The following BRD1 variants were observed in gnomAD, a reference collection of about 807,000 sequenced individuals.
BRD1 encodes the protein bromodomain-containing protein 1.
In BRD1, 24 loss-of-function variants were observed where a neutral mutation model predicts 107.7. The ratio of observed to expected loss-of-function variants is 0.22; its 90% CI spans 0.16 to 0.31. BRD1 has a LOEUF of 0.31. Among genes scored for constraint, BRD1 ranks in the 10% least tolerant of loss-of-function variants. The pLI, the probability that BRD1 is intolerant of heterozygous loss-of-function variation, is 1.00. For synonymous variants in BRD1, 744 were observed against 686.1 expected (o/e 1.08, Z -1.32); for missense variants, 1,279 against 1,638.6 (o/e 0.78, Z 3.79).
chr22:49,825,755 G>A (rs917216789), intron 1 of BRD1: 2 of 152,220 alleles, frequency 1.3e-5, no homozygotes, highest in Non-Finnish European at 2.9e-5. Flanking sequence ...CTGAGAAAAA[G>A]CCCTCAGGGA....
intron 6 of BRD1, among the ~76,000 whole-genome samples, chr22:49,794,870 C>T (rs1317653288): frequency 6.6e-6 from 1 of 152,148 alleles, no homozygotes; most frequent in Non-Finnish European, 1.5e-5. Flanking sequence ...CTACAAAGTC[C>T]CTAGAAACTT....
chr22:49,781,467 A>G (rs936747933), intron 8 of BRD1, among the ~76,000 whole-genome samples: 2 of 152,224 alleles, frequency 1.3e-5, no homozygotes, highest in African/African-American at 2.4e-5. Context: ...TCAGGCTCCC[A>G]GCCCCCAACC....
chr22:49,778,145 G>T (rs551753134), intron 8 of BRD1, among the ~76,000 whole-genome samples: 75 of 152,344 alleles, frequency 4.9e-4, no homozygotes, highest in Admixed American at 2.4e-3. Context: ...TGCCATGGGG[G>T]CAGATGTGCA....
intron 2 of BRD1, among the ~76,000 whole-genome samples, chr22:49,808,537 T>C (rs1472191045): frequency 6.6e-6 from 1 of 152,040 alleles, no homozygotes; most frequent in Non-Finnish European, 1.5e-5. Flanking sequence ...AATGGGGAGT[T>C]CCTGTTTAAC....
In BRD1 at chr22:49,773,564, CCCAAG is replaced by C. The variant is rs879828327; in HGVS notation, c.*664_*668del. The C allele has an allele frequency of 5.9e-5, 9 of 152,606 alleles. No individual in the cohort carries two copies. The highest frequency in any genetic ancestry group is 3.3e-4 in the Admixed American group (5 of 15,278). 9.5% of individuals were successfully genotyped at this position (152,606 alleles called of 1,614,324 possible). On this transcript the variant is annotated 3_prime_UTR_variant, in exon 13 of 13. Transcript: ENST00000404760. Reference sequence around the variant, plus strand: ...TTTATACAATGCAATGCATTCTGCTCCCAAGCCAAGTTGAATTTTTATGTGCCTGT... The same window carrying C: ...TTTATACAATGCAATGCATTCTGCTCCCAAGTTGAATTTTTATGTGCCTGT...
At chr22:49,797,767 C>T (rs778465573) in intron 6 of BRD1, 38 bp downstream of exon 6, 30 of 1,540,050 alleles carry the variant, frequency 1.9e-5, no homozygotes, top group Admixed American at 3.8e-5. Flanking sequence ...CTAGAAAGAG[C>T]GTCTTCCACC....
In BRD1 at chr22:49,824,755, G is replaced by T; in HGVS notation, c.-14-424C>A. 1 of 1,034,022 alleles carries T rather than the reference G, an allele frequency of 9.7e-7. No homozygotes were observed. The allele number at this position is 1,034,022 out of a possible 1,614,324, so 64.1% of individuals were successfully genotyped here. A position where few individuals can be genotyped will look rare whatever the true frequency, so the allele number is the denominator to read the frequency against. ...GGGCTGGACCCCACCAGGCACAGAG[G>T]CTATGCCCACCAGACAGGCATGCTC... On this transcript the variant is annotated intron_variant, in intron 1 of 12. Transcript: ENST00000404760. The surrounding 1 kb of genome is among the most constrained non-coding windows in gnomAD (Gnocchi z 5.9).
chr22:49,793,890 G>C, intron 7 of BRD1, 144 bp downstream of exon 7: 1 of 1,136,200 alleles, frequency 8.8e-7, no homozygotes, highest in Non-Finnish European at 1.2e-6. Context: ...AGTGTTCCGG[G>C]ATTTGTGAAT....
chr22:49,801,946 A>C (rs1466228149), intron 3 of BRD1, among the ~76,000 whole-genome samples: 1 of 152,222 alleles, frequency 6.6e-6, no homozygotes, highest in Non-Finnish European at 1.5e-5. Context: ...TTATGAGAGT[A>C]GAAATGATGA....
chr22:49,798,837 C>T (rs1341488058), intron 4 of BRD1, 151 bp from the exon 5 acceptor site: 4 of 1,433,750 alleles, frequency 2.8e-6, no homozygotes, highest in Non-Finnish European at 3.7e-6. Flanking sequence ...CTCTGCAACC[C>T]ATGGCAGCCA....
intron 7 of BRD1, among the ~76,000 whole-genome samples, 153 bp from the exon 8 acceptor site, chr22:49,788,040 G>C (rs2059363373): frequency 6.6e-6 from 1 of 152,246 alleles, no homozygotes; most frequent in African/African-American, 2.4e-5. Context: ...TGGGCCCCGT[G>C]GGCTCGGGCC....
Position 49,777,659 on chromosome 22 carries a change from G to T in BRD1, c.2993+19C>A. The T allele has an allele frequency of 6.3e-7, 1 of 1,598,336 alleles. No individual in the cohort carries two copies. The highest frequency in any genetic ancestry group is 2.2e-5 in the East Asian group (1 of 44,458). ...TGCTGGGAGCTGCGTGGTGGGAAGC[G>T]CAGGGCCGCGGTGCCCACCTCGAGT... On this transcript the variant is annotated intron_variant, in intron 9 of 12. Coordinates refer to ENST00000404760, the MANE Select transcript of BRD1 (RefSeq NM_001304808.3).
At position 49,774,091 on chromosome 22, in the gene BRD1, G is replaced by T. The variant is rs888815172; in HGVS notation, c.*142C>A. On this transcript the variant is annotated 3_prime_UTR_variant, in exon 13 of 13. Transcript: ENST00000404760. ...ACGGAGATGGGTTCCTAGAAAACTTGGAAATAAAACCTCCCCCCTCCCCGG... is the reference window on the plus strand; with the variant it reads ...ACGGAGATGGGTTCCTAGAAAACTTTGAAATAAAACCTCCCCCCTCCCCGG... The T allele has an allele frequency of 8.3e-7, 1 of 1,207,424 alleles. No individual in the cohort carries two copies. The highest frequency in any genetic ancestry group is 1.1e-6 in the Non-Finnish European group (1 of 890,936). 74.8% of individuals were successfully genotyped at this position (1,207,424 alleles called of 1,614,324 possible).
At position 49,803,633 on chromosome 22, in the gene BRD1, C is replaced by A. The variant is rs917138458; in HGVS notation, c.1524+571G>T. ...CAAAATGTAAGAGTTTGGGTTTGTTCTTTTAAAAAGGAAAAGTCCTGCTCC... is the reference window on the plus strand; with the variant it reads ...CAAAATGTAAGAGTTTGGGTTTGTTATTTTAAAAAGGAAAAGTCCTGCTCC... On this transcript the variant is annotated intron_variant, in intron 3 of 12. Transcript: ENST00000404760. This position sits in a 1 kb window ranked among gnomAD's most constrained non-coding sequence, Gnocchi z 4.4. Among the ~76,000 whole-genome samples, 3 of 152,170 alleles carry A rather than the reference C, an allele frequency of 2.0e-5. No individual in the cohort carries two copies. The highest frequency in any genetic ancestry group is 4.4e-5 in the Non-Finnish European group (3 of 68,030).
intron 6 of BRD1, among the ~76,000 whole-genome samples, chr22:49,795,398 A>G (rs1309966073): frequency 6.6e-6 from 1 of 152,194 alleles, no homozygotes; most frequent in Non-Finnish European, 1.5e-5. Context: ...ACTGAGAAAG[A>G]AAGAAACCAG....
intron 2 of BRD1, chr22:49,806,882 C>T (rs1469034792): frequency 1.3e-5 from 2 of 152,254 alleles, no homozygotes; most frequent in African/African-American, 4.8e-5. Context: ...CCTACAATCC[C>T]AGCTACTCGG....
At chr22:49,813,143 C>T (rs1218977236) in intron 2 of BRD1, among the ~76,000 whole-genome samples, 1 of 152,222 alleles carries the variant, frequency 6.6e-6, no homozygotes, top group African/African-American at 2.4e-5. Context: ...ATGATCCCAG[C>T]ACTTTCGGAG....
rs1224471445 is a variant in BRD1, at chr22:49,824,242, G to A, written c.76C>T (p.Pro26Ser). Residue 26 changes from proline (P) to serine (S), a missense_variant, in exon 2 of 13, where the codon CCT becomes TCT. By Grantham distance (74) the Pro-to-Ser change is moderately conservative (BLOSUM62 -1). Coordinates refer to ENST00000404760, the MANE Select transcript of BRD1 (RefSeq NM_001304808.3). The surrounding 1 kb of genome is among the most constrained non-coding windows in gnomAD (Gnocchi z 5.9). ...PSSPCSVKHS[P>S]TRETLTYAQA... ...GCGTAGGTCAGCGTTTCTCGCGTAG[G>A]GGAGTGTTTAACACTGCATGGGGAA... 13 of 1,613,986 alleles carry A rather than the reference G, an allele frequency of 8.1e-6. No homozygotes were observed. The highest frequency in any genetic ancestry group is 9.3e-6 in the Non-Finnish European group (11 of 1,180,026).
Position 49,783,982 on chromosome 22 carries a change from G to A in BRD1, c.2857+3408C>T, listed in dbSNP as rs1179927677. On this transcript the variant is annotated intron_variant, in intron 8 of 12. Coordinates refer to ENST00000404760, the MANE Select transcript of BRD1 (RefSeq NM_001304808.3). This position sits in a 1 kb window ranked among gnomAD's most constrained non-coding sequence, Gnocchi z 4.2. Reference sequence around the variant, plus strand: ...ACATTAGTGGTTAAAGTGAGAACCTGGAAAACAGTGAAAAAGCCATTTAGT... The same window carrying A: ...ACATTAGTGGTTAAAGTGAGAACCTAGAAAACAGTGAAAAAGCCATTTAGT... Among the ~76,000 whole-genome samples the A allele has an allele frequency of 6.6e-6, 1 of 152,188 alleles. No homozygotes were observed. The highest frequency in any genetic ancestry group is 2.4e-5 in the African/African-American group (1 of 41,442).
Sources: gnomAD v4.1 joint callset for allele counts (sites outside exome capture counted in the v4.1 genomes callset) on GRCh38, gnomAD v4.1.1 for gene constraint, Gnocchi (gnomAD v3.1) non-coding constraint, MANE v1.5 for transcripts, NCBI Gene and HGNC (gene_info 2026-07-23, HGNC 2026-07-21) for gene names.